TBC1D32: variants seen among roughly 807,000 people sequenced by gnomAD.
The protein encoded by TBC1D32 is TBC1 domain family member 32.
Under a neutral mutation model 170.3 loss-of-function variants are expected in TBC1D32, and 151 were observed. That is an observed-to-expected ratio of 0.89 (90% CI 0.78 to 1.01). The LOEUF is 1.01. Ranked by LOEUF, TBC1D32 falls within the 50% of genes least tolerant of loss-of-function variation. TBC1D32 has a pLI of 0.00. For synonymous variants in TBC1D32, 498 were observed against 488.0 expected (o/e 1.02, Z -0.27); for missense variants, 1,464 against 1,457.1 (o/e 1.00, Z -0.08).
intron 12 of TBC1D32, among the ~76,000 whole-genome samples, chr6:121,286,114 A>G (rs943938948): frequency 7.2e-5 from 11 of 152,192 alleles, no homozygotes; most frequent in African/African-American, 2.7e-4. Flanking sequence ...GCTCCTAACC[A>G]GCAACGGAAC....
chr6:121,321,784 C>A lies in TBC1D32; in HGVS notation c.166G>T (p.Val56Leu). 1 of 1,607,216 alleles carries A rather than the reference C, an allele frequency of 6.2e-7. No homozygotes were observed. Among genetic ancestry groups the A allele is most frequent in the Non-Finnish European group, 8.5e-7 (1 of 1,177,646 alleles). Residue 56 changes from valine to leucine, a missense_variant, in exon 2 of 32, where the codon GTG (valine) becomes TTG (leucine). Val to Leu is a conservative substitution (Grantham distance 32). This residue lies in a region of TBC1D32 where 1,363 missense variants were observed against 1,338.1 expected (regional missense o/e 1.02). Coordinates refer to ENST00000398212, the MANE Select transcript of TBC1D32 (RefSeq NM_152730.6). ...CCTATATGCTGCCTGAGGTATTTCA[C>A]AAATTCATAGCTGAAACAAATATTT... is the stretch of plus-strand genomic sequence containing the variant. ...TDENFHNYEF[V>L]KYLRQHIGNT...
chr6:121,241,629 A>G, intron 18 of TBC1D32, 77 bp from the exon 19 acceptor site: 1 of 1,177,152 alleles, frequency 8.5e-7, no homozygotes. Flanking sequence ...TCAAGATGGT[A>G]AGAACTGCAA....
intron 9 of TBC1D32, among the ~76,000 whole-genome samples, 165 bp downstream of exon 9, chr6:121,303,452 G>A (rs974171867): frequency 2.6e-5 from 4 of 152,050 alleles, no homozygotes; most frequent in African/African-American, 9.7e-5. Flanking sequence ...TCTGAAAAAT[G>A]GGGGTATTAA....
chr6:121,279,018 C>T (rs538282756), intron 15 of TBC1D32, 103 bp downstream of exon 15: 1 of 1,303,856 alleles, frequency 7.7e-7, no homozygotes, highest in South Asian at 1.6e-5. Context: ...GTCCATAATC[C>T]TGGTTACTCC....
At chr6:121,194,901 T>C (rs528780864) in intron 22 of TBC1D32, among the ~76,000 whole-genome samples, 1 of 152,204 alleles carries the variant, frequency 6.6e-6, no homozygotes, top group Non-Finnish European at 1.5e-5. Context: ...TGCTGAGACA[T>C]ATGTCTGCAA....
chr6:121,259,196 G>A (rs1023315885), intron 15 of TBC1D32, among the ~76,000 whole-genome samples: 3 of 152,042 alleles, frequency 2.0e-5, no homozygotes, highest in Non-Finnish European at 4.4e-5. Context: ...TACTCTGGAG[G>A]CTGAGGCAGG....
At chr6:121,173,358 T>G (rs905025) in intron 22 of TBC1D32, among the ~76,000 whole-genome samples, 1 of 152,016 alleles carries the variant, frequency 6.6e-6, no homozygotes, top group African/African-American at 2.4e-5. Context: ...CACCTTATGA[T>G]TGCATGAGTC....
rs561855537 is a variant in TBC1D32 at position 121,086,318 on chromosome 6, T to C, written c.3654+4535A>G. Among the ~76,000 whole-genome samples, 376 of 152,172 alleles carry C rather than the reference T, an allele frequency of 2.5e-3. 2 individuals are homozygous for C. Among genetic ancestry groups the C allele is most frequent in the African/African-American group, 8.6e-3 (359 of 41,530 alleles). On this transcript the variant is annotated intron_variant, in intron 31 of 31. Coordinates refer to ENST00000398212, the MANE Select transcript of TBC1D32 (RefSeq NM_152730.6). ...AGTTAGAATTTGAAACCAGATAGAA[T>C]CAAGTAATATAAGGACAATGCAGAA... is the stretch of plus-strand genomic sequence containing the variant.
intron 26 of TBC1D32, among the ~76,000 whole-genome samples, chr6:121,120,954 T>C (rs934319725): frequency 3.9e-5 from 6 of 152,046 alleles, no homozygotes; most frequent in Non-Finnish European, 8.8e-5. Flanking sequence ...ATCTGTATAT[T>C]CACATGTATC....
intron 17 of TBC1D32, among the ~76,000 whole-genome samples, chr6:121,247,958 C>T (rs114614015): frequency 0.014 from 2,069 of 151,964 alleles, 34 homozygotes; most frequent in African/African-American, 0.04. Context: ...CTATACTCTA[C>T]AACAAATGGA....
In TBC1D32 at chr6:121,160,937, C is replaced by T. The variant is rs1241001345; in HGVS notation, c.2679+11G>A. ...AAAAACACATCCCACTTCTCTTTGC[C>T]CCACACTCACCTTTTCGAGTAACCT... On this transcript the variant is annotated intron_variant, in intron 23 of 31. Coordinates refer to ENST00000398212, the MANE Select transcript of TBC1D32 (RefSeq NM_152730.6). 2 of 1,606,180 alleles carry T rather than the reference C, an allele frequency of 1.2e-6. No homozygotes were observed. Among genetic ancestry groups the T allele is most frequent in the East Asian group, 2.2e-5 (1 of 44,814 alleles).
chr6:121,303,504 A>C, intron 9 of TBC1D32, 113 bp downstream of exon 9: 1 of 871,292 alleles, frequency 1.1e-6, no homozygotes. Flanking sequence ...TAAATGAGCT[A>C]ACACATGTAA....
At chr6:121,214,566 A>G (rs1308637992) in intron 21 of TBC1D32, among the ~76,000 whole-genome samples, 3 of 152,174 alleles carry the variant, frequency 2.0e-5, no homozygotes, top group Admixed American at 2.0e-4. Context: ...TAAAGCAAGC[A>G]GCTTCTACTA....
intron 10 of TBC1D32, among the ~76,000 whole-genome samples, chr6:121,296,384 C>A (rs1805649811): frequency 6.6e-6 from 1 of 152,062 alleles, no homozygotes; most frequent in Non-Finnish European, 1.5e-5. Flanking sequence ...ATCTACCTGT[C>A]TTTTCTAAAT....
chr6:121,322,737 T>C (rs555108113), intron 1 of TBC1D32, among the ~76,000 whole-genome samples: 82 of 152,330 alleles, frequency 5.4e-4, no homozygotes, highest in African/African-American at 1.9e-3. Flanking sequence ...CTGCAATATC[T>C]TGTACATAGT....
chr6:121,273,721 T>A (rs1234120416), intron 15 of TBC1D32, among the ~76,000 whole-genome samples: 1 of 152,084 alleles, frequency 6.6e-6, no homozygotes, highest in African/African-American at 2.4e-5. Flanking sequence ...AATGTTTCTC[T>A]GTACATAGTG....
chr6:121,127,642 T>TATG (rs1194359898), intron 25 of TBC1D32, among the ~76,000 whole-genome samples: 2 of 152,144 alleles, frequency 1.3e-5, no homozygotes, highest in African/African-American at 2.4e-5. Context: ...ATTTCAATTC[T>TATG]ATGTGTACAA....
At chr6:121,311,614 G>A (rs1808216089) in intron 3 of TBC1D32, among the ~76,000 whole-genome samples, 1 of 151,928 alleles carries the variant, frequency 6.6e-6, no homozygotes, top group African/African-American at 2.4e-5. Context: ...CGTACTCCCA[G>A]CTACTCGGGA....
At position 121,085,159 on chromosome 6, in the gene TBC1D32, A is replaced by AAT. The variant is rs1385031614; in HGVS notation, c.3655-4270_3655-4269insAT. Among the ~76,000 whole-genome samples, 5 of 150,342 alleles carry AAT rather than the reference A, an allele frequency of 3.3e-5. No homozygotes were observed. In the Admixed American group the frequency reaches 3.3e-4, roughly 10 times the overall value. ...ATTTATGAATATAGTTCTGCTCTTT[A>AAT]CCCTTACTAGAGATAATCTTTTTGT... is the stretch of plus-strand genomic sequence containing the variant. On this transcript the variant is annotated intron_variant, in intron 31 of 31. Transcript: ENST00000398212.
Sources: allele counts gnomAD v4.1 joint callset (sites outside exome capture counted in the v4.1 genomes callset), GRCh38; gene constraint gnomAD v4.1.1; regional missense constraint gnomAD v4.1.1; transcripts MANE v1.5; gene names NCBI Gene and HGNC (gene_info 2026-07-23, HGNC 2026-07-21).